The following SLFN12L variants were observed in gnomAD, a reference collection of about 807,000 sequenced individuals.
The protein encoded by SLFN12L is schlafen family member 12 like, also known as schlafen family member 12-like.
In SLFN12L, 34 loss-of-function variants were observed where a neutral mutation model predicts 34.8. That is an observed-to-expected ratio of 0.98 (90% CI 0.74 to 1.30). The LOEUF (loss-of-function observed/expected upper bound fraction) is 1.30. Ranked by LOEUF, SLFN12L falls within the 50% of genes most tolerant of loss-of-function variation. The pLI, the probability that SLFN12L is intolerant of heterozygous loss-of-function variation, is 0.00. For synonymous variants in SLFN12L, 259 were observed against 247.5 expected (o/e 1.05, Z -0.44); for missense variants, 703 against 696.2 (o/e 1.01, Z -0.11).
At position 35,480,178 on chromosome 17, in the gene SLFN12L, CCA is replaced by C. The variant is rs751753311; in HGVS notation, c.102_103del (p.Gly35LysfsTer13). 6.4e-5 allele frequency: 102 copies of C among 1,587,716 alleles called. No homozygotes were observed. The highest frequency in any genetic ancestry group is 8.3e-5 in the Non-Finnish European group (97 of 1,167,760). On this transcript the variant is annotated frameshift_variant, in exon 3 of 5. Coordinates refer to ENST00000628453, the MANE Select transcript of SLFN12L (RefSeq NM_001363830.2). LOFTEE classifies it high-confidence loss of function. ...CATTTTCCCAGCAGCTAAGCCATTT[CCA>C]CGCAGAAATTCTTTTCTGTAAAATA...
At chr17:35,480,316 T>G (rs1274705108) in intron 2 of SLFN12L, 121 bp from the exon 3 acceptor site, 2 of 661,966 alleles carry the variant, frequency 3.0e-6, no homozygotes, top group Non-Finnish European at 4.6e-6. Flanking sequence ...AGTATATGGG[T>G]CTGAGATAAC....
intron 1 of SLFN12L, among the ~76,000 whole-genome samples, chr17:35,536,645 A>C (rs2072464077): frequency 6.6e-6 from 1 of 151,458 alleles, no homozygotes; most frequent in African/African-American, 2.4e-5. Flanking sequence ...AGTCTCTACA[A>C]AATATAAAAA....
chr17:35,467,296 T>G lies in SLFN12L; in HGVS notation c.*7627A>C, dbSNP rs1913731137. The stretch of plus-strand genomic sequence containing the variant: ...ATGCCCTGGCCAACAAATGGCCCCA[T>G]CTCCATATTCCTTTTGAACAATTGA... On this transcript the variant is annotated 3_prime_UTR_variant, in exon 5 of 5. Coordinates refer to ENST00000628453, the MANE Select transcript of SLFN12L (RefSeq NM_001363830.2). 6.6e-6 allele frequency among the ~76,000 whole-genome samples: 1 copy of G among 152,226 alleles called. No homozygotes were observed. Among genetic ancestry groups the G allele is most frequent in the Non-Finnish European group, 1.5e-5 (1 of 68,036 alleles).
chr17:35,530,513 A>AAAGAAAAAGAAAGAAAGAAAGAAAGAAAG (rs1567694635), intron 1 of SLFN12L, among the ~76,000 whole-genome samples: 1 of 32,576 alleles, frequency 3.1e-5, no homozygotes, highest in African/African-American at 1.1e-4. Context: ...AGAAAGAAAG[A>AAAGAAAAAGAAAGAAAGAAAGAAAGAAAG]AAAGAAAAGA....
intron 2 of SLFN12L, among the ~76,000 whole-genome samples, chr17:35,505,088 A>C (rs1278045557): frequency 1.3e-5 from 2 of 152,232 alleles, no homozygotes; most frequent in African/African-American, 4.8e-5. Flanking sequence ...TTTAAAGCCC[A>C]AAATCAAATA....
intron 2 of SLFN12L, among the ~76,000 whole-genome samples, chr17:35,493,162 A>G (rs746208348): frequency 2.0e-5 from 3 of 152,110 alleles, no homozygotes; most frequent in Non-Finnish European, 4.4e-5. Context: ...TTCTTCTTCA[A>G]CCTCCATCCC....
rs779926795 is a variant in SLFN12L at position 35,475,329 on chromosome 17, T to C, written c.1433A>G (p.Gln478Arg). 3 of 1,614,188 alleles carry C rather than the reference T, an allele frequency of 1.9e-6. No homozygotes were observed. The highest frequency in any genetic ancestry group is 1.6e-4 in the Middle Eastern group (1 of 6,062). Residue 478 changes from glutamine (Q) to arginine (R), a missense_variant, in exon 5 of 5, where the codon CAA becomes CGA. Gln to Arg is a conservative substitution (Grantham distance 43). Transcript: ENST00000628453. Reference protein sequence around the residue: ...SRSWSLDLGLQENHKVLCDAL... With the variant: ...SRSWSLDLGLRENHKVLCDAL... ...ATCACAGAGGACTTTGTGGTTCTCTTGCAAGCCCAGATCCAAAGACCAGCT... is the reference window on the plus strand; with the variant it reads ...ATCACAGAGGACTTTGTGGTTCTCTCGCAAGCCCAGATCCAAAGACCAGCT...
At chr17:35,518,896 C>T (rs1322782404) in intron 2 of SLFN12L, among the ~76,000 whole-genome samples, 2 of 152,188 alleles carry the variant, frequency 1.3e-5, no homozygotes, top group Admixed American at 6.5e-5. Flanking sequence ...GACACATGCA[C>T]ACATATGTTT....
Position 35,473,380 on chromosome 17 carries a change from G to A in SLFN12L, c.*1543C>T, listed in dbSNP as rs938880725. Among the ~76,000 whole-genome samples the A allele has an allele frequency of 6.6e-6, 1 of 152,114 alleles. No individual in the cohort carries two copies. The highest frequency in any genetic ancestry group is 1.5e-5 in the Non-Finnish European group (1 of 68,022). Reference sequence around the variant, plus strand: ...CATAAAGGGATGTTGAATTTTGTCAGAGTCTTTTTCTGCATCTATTGAGAT... The same window carrying A: ...CATAAAGGGATGTTGAATTTTGTCAAAGTCTTTTTCTGCATCTATTGAGAT... On this transcript the variant is annotated 3_prime_UTR_variant, in exon 5 of 5. Transcript: ENST00000628453.
chr17:35,510,243 C>T (rs1014928709), intron 2 of SLFN12L: 5 of 152,188 alleles, frequency 3.3e-5, no homozygotes, highest in African/African-American at 7.2e-5. Context: ...CCAGCAATTC[C>T]GCTTCTAGAC....
intron 2 of SLFN12L, among the ~76,000 whole-genome samples, chr17:35,507,017 A>G (rs1915481751): frequency 6.6e-6 from 1 of 152,220 alleles, no homozygotes; most frequent in East Asian, 1.9e-4. Context: ...CCAAAGTTGC[A>G]AACTGTGTGG....
chr17:35,464,481 T>C lies in SLFN12L; in HGVS notation c.*10442A>G, dbSNP rs1913690840. On this transcript the variant is annotated 3_prime_UTR_variant, in exon 5 of 5. Coordinates refer to ENST00000628453, the MANE Select transcript of SLFN12L (RefSeq NM_001363830.2). ...TTTCCTTCTTTGTGTTCATAAGTTC[T>C]TTCGTTTAGCTCCCATTTATCAGTG... The C allele has an allele frequency of 6.8e-6, 1 of 147,050 alleles. No homozygotes were observed. Among genetic ancestry groups the C allele is most frequent in the Non-Finnish European group, 1.5e-5 (1 of 66,820 alleles). 9.1% of individuals were successfully genotyped at this position (147,050 alleles called of 1,614,324 possible).
At position 35,467,787 on chromosome 17, in the gene SLFN12L, C is replaced by T. The variant is rs1265906754; in HGVS notation, c.*7136G>A. ...GCAGCTGCTTATCTGATATGGGACC[C>T]GTTTGAGCCTAAACTTCAACCATGA... On this transcript the variant is annotated 3_prime_UTR_variant, in exon 5 of 5. Coordinates refer to ENST00000628453, the MANE Select transcript of SLFN12L (RefSeq NM_001363830.2). 1.3e-5 allele frequency among the ~76,000 whole-genome samples: 2 copies of T among 152,118 alleles called. No homozygotes were observed. The highest frequency in any genetic ancestry group is 1.3e-4 in the Admixed American group (2 of 15,270).
intron 2 of SLFN12L, chr17:35,498,206 A>G (rs1389388666): frequency 7.7e-6 from 2 of 260,402 alleles, no homozygotes; most frequent in Non-Finnish European, 1.6e-5. Flanking sequence ...GCCGCCTGGG[A>G]TGTTCAGTCA....
At chr17:35,504,404 T>C (rs546799013) in intron 2 of SLFN12L, among the ~76,000 whole-genome samples, 1 of 152,366 alleles carries the variant, frequency 6.6e-6, no homozygotes, top group East Asian at 1.9e-4. Context: ...TAGAGGATCA[T>C]AGACGTTAAA....
At chr17:35,494,237 A>C (rs1034614732) in intron 2 of SLFN12L, among the ~76,000 whole-genome samples, 2 of 151,878 alleles carry the variant, frequency 1.3e-5, no homozygotes, top group Non-Finnish European at 2.9e-5. Context: ...GTAAAAAAAA[A>C]ACAACAAAAA....
At chr17:35,501,480 G>T (rs1180598884) in intron 2 of SLFN12L, among the ~76,000 whole-genome samples, 1 of 152,170 alleles carries the variant, frequency 6.6e-6, no homozygotes, top group Non-Finnish European at 1.5e-5. Flanking sequence ...TTTTGACCTG[G>T]CTTGGATTTC....
chr17:35,495,946 CAA>C lies in SLFN12L; in HGVS notation c.87-15753_87-15752del, dbSNP rs1191047072. Among the ~76,000 whole-genome samples the C allele has an allele frequency of 6.8e-3, 927 of 136,118 alleles. 8 individuals are homozygous for C. Among genetic ancestry groups the C allele is most frequent in the African/African-American group, 0.024 (885 of 36,196 alleles). The allele number at this position is 136,118 out of a possible 152,430, so 89.3% of individuals were successfully genotyped here. On this transcript the variant is annotated intron_variant, in intron 2 of 4. Coordinates refer to ENST00000628453, the MANE Select transcript of SLFN12L (RefSeq NM_001363830.2). ...ACACACACACACACACACACACACA[CAA>C]CAAAACGCCAAGACGTGCCAGTGTC...
Position 35,479,863 on chromosome 17 carries a change from T to C in SLFN12L, c.419A>G (p.Gln140Arg), listed in dbSNP as rs535994326. 3.1e-6 allele frequency: 5 copies of C among 1,608,204 alleles called. No homozygotes were observed. The highest frequency in any genetic ancestry group is 4.2e-6 in the Non-Finnish European group (5 of 1,176,620). Residue 140 changes from glutamine to arginine, a missense_variant, in exon 3 of 5, where the codon CAG (glutamine) becomes CGG (arginine). Transcript: ENST00000628453. ...AAAAATGTGAAAGTAGTTACCATTC[T>C]GCATGAAGTCCAGGAAATTAGGAAC... ...PFVPNFLDFM[Q>R]NGNYFHIFVK...
Sources: gnomAD v4.1 joint callset for allele counts (sites outside exome capture counted in the v4.1 genomes callset) on GRCh38, gnomAD v4.1.1 for gene constraint, MANE v1.5 for transcripts, NCBI Gene and HGNC (gene_info 2026-07-23, HGNC 2026-07-21) for gene names.